The following OR52D1 variants were observed in gnomAD, a reference collection of about 807,000 sequenced individuals.
The protein encoded by OR52D1 is olfactory receptor family 52 subfamily D member 1.
For synonymous variants in OR52D1, 175 were observed against 149.0 expected, an observed-to-expected ratio of 1.17 and a Z score of -1.27; for missense variants, 423 against 390.0, an observed-to-expected ratio of 1.08 and a Z score of -0.71.
rs750493326 is a variant in OR52D1 at position 5,489,623 on chromosome 11, G to T, written c.917G>T (p.Arg306Leu). ...GCTAGAACCAAGGAGATTCGGAGTCGACTTCTAAAACTGCTTCACCTGGGG... is the reference window on the plus strand; with the variant it reads ...GCTAGAACCAAGGAGATTCGGAGTCTACTTCTAAAACTGCTTCACCTGGGG... ...YGARTKEIRS[R>L]LLKLLHLGKT... Residue 306 changes from arginine to leucine, a missense_variant, in exon 1 of 1, where the codon CGA becomes CTA. Transcript: ENST00000322641. The T allele has an allele frequency of 3.1e-6, 5 of 1,613,570 alleles. No individual in the cohort carries two copies. Among genetic ancestry groups the T allele is most frequent in the Admixed American group, 1.7e-5 (1 of 59,916 alleles).
rs141223462 is a variant in OR52D1, at chr11:5,489,503, G to A, written c.797G>A (p.Arg266His). Residue 266 changes from arginine (R) to histidine (H), a missense_variant, in exon 1 of 1, where the codon CGC becomes CAC. Arg to His is a conservative substitution (Grantham distance 29, BLOSUM62 0). Coordinates refer to ENST00000322641, the MANE Select transcript of OR52D1 (RefSeq NM_001005163.2). Reference protein sequence around the residue: ...IPAFFSFLTHRFGHHEVPKHV... With the variant: ...IPAFFSFLTHHFGHHEVPKHV... The stretch of plus-strand genomic sequence containing the variant: ...GCCTTCTTCTCCTTCCTCACCCACC[G>A]CTTTGGTCACCACGAAGTCCCCAAG... 41 of 1,613,892 alleles carry A rather than the reference G, an allele frequency of 2.5e-5. No individual in the cohort carries two copies. Among genetic ancestry groups the A allele is most frequent in the Admixed American group, 3.3e-5 (2 of 59,956 alleles).
rs760829167 is a variant in OR52D1, at chr11:5,489,167, G to A, written c.461G>A (p.Arg154His). 59 of 1,613,470 alleles carry A rather than the reference G, an allele frequency of 3.7e-5. 1 individual carries two copies. In the Admixed American group the frequency reaches 4.0e-4, roughly 11 times the overall value. ...IGRIGFVGLFRSVAIVSPFIF... is the reference protein window; with the variant it reads ...IGRIGFVGLFHSVAIVSPFIF... ...AGAATTGGCTTTGTTGGGCTATTCC[G>A]TAGTGTGGCTATTGTCTCCCCCTTC... is the stretch of plus-strand genomic sequence containing the variant. Residue 154 changes from arginine to histidine, a missense_variant, in exon 1 of 1, where the codon CGT (arginine) becomes CAT (histidine). By Grantham distance (29) the Arg-to-His change is conservative (BLOSUM62 0). Coordinates refer to ENST00000322641, the MANE Select transcript of OR52D1 (RefSeq NM_001005163.2).
In OR52D1 at chr11:5,489,481, T is replaced by G. The variant is rs1851549794; in HGVS notation, c.775T>G (p.Phe259Val). 1 of 1,602,434 alleles carries G rather than the reference T, an allele frequency of 6.2e-7. No individual in the cohort carries two copies. Among genetic ancestry groups the G allele is most frequent in the Non-Finnish European group, 8.5e-7 (1 of 1,169,796 alleles). The change falls in exon 1 of 1, where the codon TTC (phenylalanine) becomes GTC (valine). Residue 259 changes from phenylalanine to valine, a missense_variant. Coordinates refer to ENST00000322641, the MANE Select transcript of OR52D1 (RefSeq NM_001005163.2). ...GIILVFYIPA[F>V]FSFLTHRFGH... is the part of the protein sequence containing the mutation. The stretch of plus-strand genomic sequence containing the variant: ...CATCCTGGTTTTCTACATCCCTGCC[T>G]TCTTCTCCTTCCTCACCCACCGCTT...
chr11:5,489,546 G>A lies in OR52D1; in HGVS notation c.840G>A (p.Leu280=), dbSNP rs143524095. The part of the protein sequence containing the change: ...HEVPKHVHIF[L]ANLYVLVPPV... ...TCCCCAAGCATGTGCACATCTTTCT[G>A]GCTAATCTCTATGTGCTGGTGCCTC... The change falls in exon 1 of 1, where the codon CTG becomes CTA. Residue 280 remains leucine (L), a synonymous_variant. Transcript: ENST00000322641. 3.1e-6 allele frequency: 5 copies of A among 1,613,872 alleles called. No homozygotes were observed. The African/African-American group carries it at 4.0e-5, about 13-fold the overall frequency.
rs1440201618 is a variant in OR52D1, at chr11:5,489,670, A to AT, written c.*7_*8insT. ...GGGGAAGACTTCAATATGAATGCTG[A>AT]GCAGAAGTTGGAGATTTAAAAAAAA... On this transcript the variant is annotated 3_prime_UTR_variant, in exon 1 of 1. Transcript: ENST00000322641. 1 of 1,587,214 alleles carries AT rather than the reference A, an allele frequency of 6.3e-7. No homozygotes were observed. Among genetic ancestry groups the AT allele is most frequent in the East Asian group, 2.2e-5 (1 of 44,640 alleles).
Position 5,489,329 on chromosome 11 carries a change from T to C in OR52D1, c.623T>C (p.Leu208Pro). The change falls in exon 1 of 1, where the codon CTG (leucine) becomes CCG (proline). Residue 208 changes from leucine to proline, a missense_variant. Physicochemically the swap from Leu to Pro is moderately conservative, Grantham distance 98. Transcript: ENST00000322641. ...GTCTATGGGCTAACTGTGGCTCTGC[T>C]GGCCATGGGACTGGATTCCATTCTC... ...NIVYGLTVAL[L>P]AMGLDSILIA... The C allele has an allele frequency of 1.9e-6, 3 of 1,614,106 alleles. No homozygotes were observed. The highest frequency in any genetic ancestry group is 2.5e-6 in the Non-Finnish European group (3 of 1,179,968).
chr11:5,489,704 T>G lies in OR52D1; in HGVS notation c.*41T>G. Reference sequence around the variant, plus strand: ...TGGAGATTTAAAAAAAAGTGTAGGATGGCTGTCTAGATACATTTACATGGA... The same window carrying G: ...TGGAGATTTAAAAAAAAGTGTAGGAGGGCTGTCTAGATACATTTACATGGA... On this transcript the variant is annotated 3_prime_UTR_variant, in exon 1 of 1. Transcript: ENST00000322641. The G allele has an allele frequency of 7.6e-7, 1 of 1,313,520 alleles. No homozygotes were observed. 81.4% of individuals were successfully genotyped at this position (1,313,520 alleles called of 1,614,324 possible). A position where few individuals can be genotyped will look rare whatever the true frequency, so the allele number is the denominator to read the frequency against.
rs1359253900 is a variant in OR52D1, at chr11:5,489,488, C to T, written c.782C>T (p.Ser261Phe). The change falls in exon 1 of 1, where the codon TCC becomes TTC. Residue 261 changes from serine to phenylalanine, a missense_variant. Physicochemically the swap from Ser to Phe is radical, Grantham distance 155. Coordinates refer to ENST00000322641, the MANE Select transcript of OR52D1 (RefSeq NM_001005163.2). ...ILVFYIPAFF[S>F]FLTHRFGHHE... ...GTTTTCTACATCCCTGCCTTCTTCTCCTTCCTCACCCACCGCTTTGGTCAC... is the reference window on the plus strand; with the variant it reads ...GTTTTCTACATCCCTGCCTTCTTCTTCTTCCTCACCCACCGCTTTGGTCAC... 2.5e-6 allele frequency: 4 copies of T among 1,614,076 alleles called. No homozygotes were observed. Among genetic ancestry groups the T allele is most frequent in the Middle Eastern group, 1.7e-4 (1 of 6,058 alleles).
At position 5,489,734 on chromosome 11, in the gene OR52D1, C is replaced by T. The variant is rs767656962; in HGVS notation, c.*71C>T. On this transcript the variant is annotated 3_prime_UTR_variant, in exon 1 of 1. Coordinates refer to ENST00000322641, the MANE Select transcript of OR52D1 (RefSeq NM_001005163.2). ...GTCTAGATACATTTACATGGACACA[C>T]AGTGATGATGTGAAAGGAATGGTAT... 3.9e-6 allele frequency: 4 copies of T among 1,024,286 alleles called. No individual in the cohort carries two copies. The highest frequency in any genetic ancestry group is 4.5e-6 in the Non-Finnish European group (3 of 671,664). The allele number at this position is 1,024,286 out of a possible 1,614,324, so 63.4% of individuals were successfully genotyped here.
Position 5,489,715 on chromosome 11 carries a change from A to T in OR52D1, c.*52A>T, listed in dbSNP as rs1197477343. On this transcript the variant is annotated 3_prime_UTR_variant, in exon 1 of 1. Transcript: ENST00000322641. ...AAAAAAGTGTAGGATGGCTGTCTAG[A>T]TACATTTACATGGACACACAGTGAT... 8.6e-7 allele frequency: 1 copy of T among 1,164,466 alleles called. No homozygotes were observed. Among genetic ancestry groups the T allele is most frequent in the South Asian group, 1.4e-5 (1 of 73,550 alleles). The allele number at this position is 1,164,466 out of a possible 1,614,324, so 72.1% of individuals were successfully genotyped here.
rs1296205668 is a variant in OR52D1 at position 5,488,973 on chromosome 11, G to A, written c.267G>A (p.Trp89Ter). The change falls in exon 1 of 1, where the codon TGG (tryptophan) becomes TGA (stop). Residue 89 changes from tryptophan to a stop codon, truncating the protein, a stop_gained. Coordinates refer to ENST00000322641, the MANE Select transcript of OR52D1 (RefSeq NM_001005163.2). LOFTEE classifies it low-confidence loss of function (END_TRUNC). ...TGCCCAAGATGCTGGCCATTTTGTG[G>A]CTCCATGCTGGTGAGATTTCCTTTG... ...TTVPKMLAILWLHAGEISFGG... is the reference protein window; with the variant it reads ...TTVPKMLAIL 2.0e-5 allele frequency: 32 copies of A among 1,613,906 alleles called. No homozygotes were observed. Among genetic ancestry groups the A allele is most frequent in the Non-Finnish European group, 2.6e-5 (31 of 1,179,980 alleles).
rs560268220 is a variant in OR52D1, at chr11:5,488,979, T to C, written c.273T>C (p.His91=). The stretch of plus-strand genomic sequence containing the variant: ...AGATGCTGGCCATTTTGTGGCTCCA[T>C]GCTGGTGAGATTTCCTTTGGTGGAT... The part of the protein sequence containing the change: ...VPKMLAILWL[H]AGEISFGGCL... The change falls in exon 1 of 1, where the codon CAT becomes CAC. Residue 91 remains histidine (H), a synonymous_variant. Coordinates refer to ENST00000322641, the MANE Select transcript of OR52D1 (RefSeq NM_001005163.2). The C allele has an allele frequency of 1.5e-4, 250 of 1,614,120 alleles. 1 individual carries two copies. In the South Asian group the frequency reaches 2.3e-3, roughly 15 times the overall value.
rs781554961 is a variant in OR52D1, at chr11:5,488,875, G to T, written c.169G>T (p.Ala57Ser). The change falls in exon 1 of 1, where the codon GCT becomes TCT. Residue 57 changes from alanine (A) to serine (S), a missense_variant. Ala to Ser is a moderately conservative substitution (Grantham distance 99, BLOSUM62 1). Coordinates refer to ENST00000322641, the MANE Select transcript of OR52D1 (RefSeq NM_001005163.2). Reference protein sequence around the residue: ...ALILVIAMDNALHAPMYLFLC... With the variant: ...ALILVIAMDNSLHAPMYLFLC... ...CATCCTGGTCATTGCCATGGACAAT[G>T]CTCTTCATGCACCTATGTACCTCTT... 3.7e-6 allele frequency: 6 copies of T among 1,613,988 alleles called. No individual in the cohort carries two copies. Among genetic ancestry groups the T allele is most frequent in the Non-Finnish European group, 5.1e-6 (6 of 1,179,984 alleles).
rs536634174 is a variant in OR52D1 at position 5,489,228 on chromosome 11, C to A, written c.522C>A (p.His174Gln). 2 of 1,614,034 alleles carry A rather than the reference C, an allele frequency of 1.2e-6. No homozygotes were observed. Among genetic ancestry groups the A allele is most frequent in the Non-Finnish European group, 1.7e-6 (2 of 1,179,996 alleles). ...FLLRRLPYCG[H>Q]RVMTHTYCEH... is the part of the protein sequence containing the mutation. ...TGAGGCGACTCCCCTACTGTGGTCA[C>A]CGTGTCATGACACACACATACTGTG... is the stretch of plus-strand genomic sequence containing the variant. Residue 174 changes from histidine to glutamine, a missense_variant, in exon 1 of 1, where the codon CAC (histidine) becomes CAA (glutamine). Physicochemically the swap from His to Gln is conservative, Grantham distance 24. Coordinates refer to ENST00000322641, the MANE Select transcript of OR52D1 (RefSeq NM_001005163.2).
rs750805072 is a variant in OR52D1, at chr11:5,489,179, T to C, written c.473T>C (p.Ile158Thr). 6.2e-7 allele frequency: 1 copy of C among 1,612,980 alleles called. No homozygotes were observed. The highest frequency in any genetic ancestry group is 1.1e-5 in the South Asian group (1 of 90,926). The stretch of plus-strand genomic sequence containing the variant: ...GTTGGGCTATTCCGTAGTGTGGCTA[T>C]TGTCTCCCCCTTCATCTTCTTGCTG... ...GFVGLFRSVA[I>T]VSPFIFLLRR... Residue 158 changes from isoleucine to threonine, a missense_variant, in exon 1 of 1, where the codon ATT becomes ACT. Physicochemically the swap from Ile to Thr is moderately conservative, Grantham distance 89. Transcript: ENST00000322641.
Position 5,488,721 on chromosome 11 carries a change from C to A in OR52D1, c.15C>A (p.Asn5Lys). MSDSNLSDNHLPDTF... is the reference protein window; with the variant it reads MSDSKLSDNHLPDTF... Reference sequence around the variant, plus strand: ...TGCCAGGAAGAATGTCAGATTCCAACCTCAGTGATAACCATCTTCCAGACA... The same window carrying A: ...TGCCAGGAAGAATGTCAGATTCCAAACTCAGTGATAACCATCTTCCAGACA... Residue 5 changes from asparagine (N) to lysine (K), a missense_variant, in exon 1 of 1, where the codon AAC (asparagine) becomes AAA (lysine). By Grantham distance (94) the Asn-to-Lys change is moderately conservative (BLOSUM62 0). Coordinates refer to ENST00000322641, the MANE Select transcript of OR52D1 (RefSeq NM_001005163.2). 6.2e-7 allele frequency: 1 copy of A among 1,612,928 alleles called. No individual in the cohort carries two copies. The highest frequency in any genetic ancestry group is 1.1e-5 in the South Asian group (1 of 90,950).
Position 5,489,709 on chromosome 11 carries a change from G to C in OR52D1, c.*46G>C. 1 of 1,259,312 alleles carries C rather than the reference G, an allele frequency of 7.9e-7. No homozygotes were observed. Among genetic ancestry groups the C allele is most frequent in the South Asian group, 1.3e-5 (1 of 76,868 alleles). The allele number at this position is 1,259,312 out of a possible 1,614,324, so 78.0% of individuals were successfully genotyped here. A position where few individuals can be genotyped will look rare whatever the true frequency, so the allele number is the denominator to read the frequency against. ...ATTTAAAAAAAAGTGTAGGATGGCT[G>C]TCTAGATACATTTACATGGACACAC... On this transcript the variant is annotated 3_prime_UTR_variant, in exon 1 of 1. Coordinates refer to ENST00000322641, the MANE Select transcript of OR52D1 (RefSeq NM_001005163.2).
rs768147639 is a variant in OR52D1 at position 5,489,308 on chromosome 11, A to G, written c.602A>G (p.Tyr201Cys). The G allele has an allele frequency of 1.6e-5, 26 of 1,609,182 alleles. No individual in the cohort carries two copies. Among genetic ancestry groups the G allele is most frequent in the Non-Finnish European group, 2.0e-5 (24 of 1,177,490 alleles). The change falls in exon 1 of 1, where the codon TAT (tyrosine) becomes TGT (cysteine). Residue 201 changes from tyrosine to cysteine, a missense_variant. Transcript: ENST00000322641. ...GCCAACATCACTGTCAATATTGTCTATGGGCTAACTGTGGCTCTGCTGGCC... is the reference window on the plus strand; with the variant it reads ...GCCAACATCACTGTCAATATTGTCTGTGGGCTAACTGTGGCTCTGCTGGCC... ...ACANITVNIV[Y>C]GLTVALLAMG...
rs747751616 is a variant in OR52D1 at position 5,489,071 on chromosome 11, C to T, written c.365C>T (p.Ala122Val). 6 of 1,614,018 alleles carry T rather than the reference C, an allele frequency of 3.7e-6. No individual in the cohort carries two copies. The Admixed American group carries it at 1.0e-4, about 27-fold the overall frequency. Residue 122 changes from alanine (A) to valine (V), a missense_variant, in exon 1 of 1, where the codon GCC becomes GTC. Ala to Val is a moderately conservative substitution (Grantham distance 64, BLOSUM62 0). Transcript: ENST00000322641. ...ALESSILLAM[A>V]FDRYVAICNP... Reference sequence around the variant, plus strand: ...GAGTCCTCAATTCTACTTGCCATGGCCTTTGATAGGTATGTGGCTATCTGT... The same window carrying T: ...GAGTCCTCAATTCTACTTGCCATGGTCTTTGATAGGTATGTGGCTATCTGT...
Sources: allele counts gnomAD v4.1 joint callset, GRCh38; gene constraint gnomAD v4.1.1; transcripts MANE v1.5; gene names NCBI Gene and HGNC (gene_info 2026-07-23, HGNC 2026-07-21).